Variants in CTSL observed in about 807,000 individuals in gnomAD.
CTSL encodes the protein procathepsin L.
In CTSL, 23 loss-of-function variants were observed where a neutral mutation model predicts 34.7. The observed-to-expected ratio is 0.66, with a 90% CI of 0.48 to 0.94. The LOEUF (loss-of-function observed/expected upper bound fraction) is 0.94. Among genes scored for constraint, CTSL ranks in the 40% least tolerant of loss-of-function variants. The pLI is 0.00. For synonymous variants in CTSL, 129 were observed against 136.7 expected (o/e 0.94, Z 0.39); for missense variants, 361 against 406.3 (o/e 0.89, Z 0.96).
chr9:87,728,407 G>A lies in CTSL; in HGVS notation c.396+11G>A. ...CCTGTGAAGAATCAGGTGAGACAGT[G>A]TCAGGTTCAGACCTCCCATCTTCCC... On this transcript the variant is annotated intron_variant, in intron 4 of 7. Coordinates refer to ENST00000343150, the MANE Select transcript of CTSL (RefSeq NM_001912.5). 6.2e-6 allele frequency: 10 copies of A among 1,610,614 alleles called. No individual in the cohort carries two copies. The highest frequency in any genetic ancestry group is 8.5e-6 in the Non-Finnish European group (10 of 1,178,978).
chr9:87,730,358 C>A (rs777419064), intron 6 of CTSL, 23 bp from the exon 7 acceptor site: 2 of 1,555,528 alleles, frequency 1.3e-6, no homozygotes, highest in Non-Finnish European at 1.8e-6. Flanking sequence ...CTTCTCACCC[C>A]AGCCCTCATT....
At position 87,731,433 on chromosome 9, in the gene CTSL, T is replaced by G. The variant is rs1199427993; in HGVS notation, c.*326T>G. On this transcript the variant is annotated 3_prime_UTR_variant, in exon 8 of 8. Transcript: ENST00000343150. Reference sequence around the variant, plus strand: ...TTCTATTTTTGATGCACTGAATTTTTGTGTAATAAAGAACATAATTGGGCT... The same window carrying G: ...TTCTATTTTTGATGCACTGAATTTTGGTGTAATAAAGAACATAATTGGGCT... The G allele has an allele frequency of 1.0e-5, 2 of 200,026 alleles. No individual in the cohort carries two copies. The highest frequency in any genetic ancestry group is 2.1e-5 in the Non-Finnish European group (2 of 96,708). 12.4% of individuals were successfully genotyped at this position (200,026 alleles called of 1,614,324 possible).
Position 87,728,066 on chromosome 9 carries a change from A to G in CTSL, c.166A>G (p.Met56Val), listed in dbSNP as rs17850952. The G allele has an allele frequency of 1.2e-6, 2 of 1,614,012 alleles. No individual in the cohort carries two copies. Among genetic ancestry groups the G allele is most frequent in the Admixed American group, 1.7e-5 (1 of 60,022 alleles). The change falls in exon 3 of 8, where the codon ATG becomes GTG. Residue 56 changes from methionine to valine, a missense_variant. Physicochemically the swap from Met to Val is conservative, Grantham distance 21. Coordinates refer to ENST00000343150, the MANE Select transcript of CTSL (RefSeq NM_001912.5). ...GAGGAGAGCAGTGTGGGAGAAGAAC[A>G]TGAAGATGATTGAACTGCACAATCA... ...GWRRAVWEKNMKMIELHNQEY... is the reference protein window; with the variant it reads ...GWRRAVWEKNVKMIELHNQEY...
rs143078054 is a variant in CTSL at position 87,728,038 on chromosome 9, A to C, written c.138A>C (p.Gly46=). The C allele has an allele frequency of 1.0e-4, 166 of 1,613,768 alleles. No homozygotes were observed. The African/African-American group carries it at 1.9e-3, about 18-fold the overall frequency. ...HNRLYGMNEE[G]WRRAVWEKNM... ...ATGTTTGCCTCTAGAATGAAGAAGG[A>C]TGGAGGAGAGCAGTGTGGGAGAAGA... Residue 46 remains glycine, a synonymous_variant, in exon 3 of 8, where the codon GGA becomes GGC. Coordinates refer to ENST00000343150, the MANE Select transcript of CTSL (RefSeq NM_001912.5).
intron 5 of CTSL, among the ~76,000 whole-genome samples, chr9:87,729,346 T>C (rs1052888443): frequency 3.9e-5 from 6 of 152,194 alleles, no homozygotes; most frequent in African/African-American, 1.4e-4. Flanking sequence ...CATTTCTCTA[T>C]TGTGAAAAAT....
At position 87,727,719 on chromosome 9, in the gene CTSL, T is replaced by A. The variant is rs374433791; in HGVS notation, c.116T>A (p.Leu39Ter). The part of the protein sequence containing the change: ...WTKWKAMHNR[L>*]YGMNEEGWRR... Reference sequence around the variant, plus strand: ...AAGTGGAAGGCGATGCACAACAGATTATACGGCATGGTTAGTGAAACTTCC... The same window carrying A: ...AAGTGGAAGGCGATGCACAACAGATAATACGGCATGGTTAGTGAAACTTCC... The change falls in exon 2 of 8, where the codon TTA (leucine) becomes TAA (stop). Residue 39 changes from leucine (L) to a stop codon, truncating the protein, a stop_gained. Transcript: ENST00000343150. LOFTEE classifies it high-confidence loss of function. 13 of 1,614,034 alleles carry A rather than the reference T, an allele frequency of 8.1e-6. No individual in the cohort carries two copies. Among genetic ancestry groups the A allele is most frequent in the African/African-American group, 1.3e-5 (1 of 74,916 alleles).
chr9:87,730,883 T>C (rs1826231327), intron 7 of CTSL, 125 bp from the exon 8 acceptor site: 5 of 703,728 alleles, frequency 7.1e-6, no homozygotes, highest in Non-Finnish European at 1.2e-5. Context: ...AACAGGAACA[T>C]TGCCTGTCCT....
intron 1 of CTSL, among the ~76,000 whole-genome samples, chr9:87,726,877 T>A (rs141447329): frequency 0.02 from 3,052 of 152,020 alleles, 97 homozygotes; most frequent in African/African-American, 0.07. Context: ...ACCCCGTCTC[T>A]ACTGAAAATA....
rs1212300392 is a variant in CTSL at position 87,727,663 on chromosome 9, A to G, written c.60A>G (p.Thr20=). 1.2e-6 allele frequency: 2 copies of G among 1,613,932 alleles called. No homozygotes were observed. The highest frequency in any genetic ancestry group is 1.7e-6 in the Non-Finnish European group (2 of 1,179,998). ...TGGGAATTGCCTCAGCTACTCTAAC[A>G]TTTGATCACAGTTTAGAGGCACAGT... is the stretch of plus-strand genomic sequence containing the variant. ...FCLGIASATL[T]FDHSLEAQWT... is the part of the protein sequence containing the mutation. Residue 20 remains threonine, a synonymous_variant, in exon 2 of 8, where the codon ACA becomes ACG. Transcript: ENST00000343150.
At chr9:87,730,040 C>G (rs548402762) in intron 6 of CTSL, among the ~76,000 whole-genome samples, 2 of 152,006 alleles carry the variant, frequency 1.3e-5, no homozygotes, top group Non-Finnish European at 2.9e-5. Context: ...ATTTTTACTT[C>G]TATTATTAAA....
intron 5 of CTSL, chr9:87,729,109 G>C: frequency 1.6e-6 from 1 of 643,762 alleles, no homozygotes; most frequent in Non-Finnish European, 2.5e-6. Flanking sequence ...TTGAGTGTGG[G>C]AGGTGGTTGT....
rs1204284820 is a variant in CTSL at position 87,728,790 on chromosome 9, C to A, written c.602C>A (p.Ser201Tyr). 1.2e-6 allele frequency: 2 copies of A among 1,614,054 alleles called. No individual in the cohort carries two copies. Among genetic ancestry groups the A allele is most frequent in the Non-Finnish European group, 1.7e-6 (2 of 1,180,050 alleles). ...QDNGGLDSEESYPYEATEESC... is the reference protein window; with the variant it reads ...QDNGGLDSEEYYPYEATEESC... ...AATGGAGGCCTGGACTCTGAGGAAT[C>A]CTATCCATATGAGGCAACAGTAAGT... The change falls in exon 5 of 8, where the codon TCC (serine) becomes TAC (tyrosine). Residue 201 changes from serine to tyrosine, a missense_variant. Ser to Tyr is a moderately radical substitution (Grantham distance 144). Coordinates refer to ENST00000343150, the MANE Select transcript of CTSL (RefSeq NM_001912.5).
At position 87,726,919 on chromosome 9, in the gene CTSL, G is replaced by T. The variant is rs73485498; in HGVS notation, c.-11+521G>T. Among the ~76,000 whole-genome samples, 1,013 of 152,182 alleles carry T rather than the reference G, an allele frequency of 6.7e-3. 15 individuals are homozygous for T. The highest frequency in any genetic ancestry group is 0.023 in the African/African-American group (960 of 41,516). On this transcript the variant is annotated intron_variant, in intron 1 of 7. Coordinates refer to ENST00000343150, the MANE Select transcript of CTSL (RefSeq NM_001912.5). ...TAGACGGGCGAGGCGGCGCACGCCT[G>T]TAGTTCCAGCTATTCAAGAGGCTGA...
At chr9:87,729,859 T>C (rs1204698413) in intron 6 of CTSL, 124 bp downstream of exon 6, 13 of 887,860 alleles carry the variant, frequency 1.5e-5, no homozygotes, top group Non-Finnish European at 2.0e-5. Context: ...ATCATAGTTG[T>C]TCATTCTGTA....
intron 2 of CTSL, 128 bp downstream of exon 2, chr9:87,727,857 A>G (rs545850503): frequency 2.9e-5 from 41 of 1,402,420 alleles, no homozygotes; most frequent in Non-Finnish European, 3.0e-6. Context: ...TATGAGCACA[A>G]TGTGGACATT....
At position 87,727,580 on chromosome 9, in the gene CTSL, TG is replaced by T. The variant is rs367905443; in HGVS notation, c.-10-13del. On this transcript the variant is annotated splice_polypyrimidine_tract_variant and intron_variant, in intron 1 of 7. Transcript: ENST00000343150. ...ATTGGTCTAATCAGATCCTCATTTT[TG>T]TTCCCTTCCTAGGTTTTAAAACATG... is the stretch of plus-strand genomic sequence containing the variant. The T allele has an allele frequency of 6.7e-4, 1,078 of 1,613,504 alleles. 6 individuals are homozygous for T. The African/African-American group carries it at 0.013, about 19-fold the overall frequency.
At chr9:87,727,899 C>T in intron 2 of CTSL, 128 bp from the exon 3 acceptor site, 1 of 1,439,528 alleles carries the variant, frequency 6.9e-7, no homozygotes. Flanking sequence ...TGGAGAACAG[C>T]ATCCCCAGAG....
Position 87,731,122 on chromosome 9 carries a change from A to G in CTSL, c.*15A>G. ...CCACTGTGTGAGCTGGTGGACGGTG[A>G]TGAGGAAGGACTTGACTGGGGATGG... On this transcript the variant is annotated 3_prime_UTR_variant, in exon 8 of 8. Transcript: ENST00000343150. 1.2e-6 allele frequency: 2 copies of G among 1,606,252 alleles called. No homozygotes were observed. Among genetic ancestry groups the G allele is most frequent in the Non-Finnish European group, 1.7e-6 (2 of 1,173,360 alleles).
chr9:87,730,857 G>T (rs1826230590), intron 7 of CTSL, 151 bp from the exon 8 acceptor site: 1 of 620,464 alleles, frequency 1.6e-6, no homozygotes, highest in Admixed American at 3.0e-5. Flanking sequence ...GTTATGTCAA[G>T]AATTTTTTAA....
Sources: allele counts gnomAD v4.1 joint callset (sites outside exome capture counted in the v4.1 genomes callset), GRCh38; gene constraint gnomAD v4.1.1; transcripts MANE v1.5; gene names NCBI Gene and HGNC (gene_info 2026-07-23, HGNC 2026-07-21).